DGLUCY: variants seen among roughly 807,000 people sequenced by gnomAD.
DGLUCY encodes D-glutamate cyclase, also known as D-glutamate cyclase, mitochondrial.
Under a neutral mutation model 58.5 loss-of-function variants are expected in DGLUCY, and 58 were observed. The ratio of observed to expected loss-of-function variants is 0.99; its 90% CI spans 0.80 to 1.23. DGLUCY has a LOEUF of 1.23. Among genes scored for constraint, DGLUCY ranks in the 50% most tolerant of loss-of-function variants. The pLI, the probability that DGLUCY is intolerant of heterozygous loss-of-function variation, is 0.00. For synonymous variants in DGLUCY, 325 were observed against 314.1 expected (o/e 1.03, Z -0.37); for missense variants, 779 against 784.7 (o/e 0.99, Z 0.09).
chr14:91,184,495 A>G (rs1418511284), intron 8 of DGLUCY, among the ~76,000 whole-genome samples: 1 of 147,414 alleles, frequency 6.8e-6, no homozygotes, highest in Non-Finnish European at 1.5e-5. Context: ...TTGAAGCTGC[A>G]GTGAGCCATG....
intron 1 of DGLUCY, among the ~76,000 whole-genome samples, chr14:91,147,447 A>G (rs1014081978): frequency 6.6e-6 from 1 of 152,148 alleles, no homozygotes; most frequent in Non-Finnish European, 1.5e-5. Flanking sequence ...AGCCTCAACT[A>G]TTTTTGGATG....
At chr14:91,135,122 C>T (rs1270506882) in intron 1 of DGLUCY, among the ~76,000 whole-genome samples, 2 of 152,002 alleles carry the variant, frequency 1.3e-5, no homozygotes, top group Admixed American at 1.3e-4. Flanking sequence ...CAGGGTTTCT[C>T]TATATTTTCT....
At chr14:91,130,607 A>G in intron 1 of DGLUCY, among the ~76,000 whole-genome samples, 1 of 151,934 alleles carries the variant, frequency 6.6e-6, no homozygotes, top group South Asian at 2.1e-4. Context: ...CACCTGGCCA[A>G]GAATCTTTTC....
intron 1 of DGLUCY, among the ~76,000 whole-genome samples, chr14:91,152,348 C>T (rs1566968998): frequency 6.6e-6 from 1 of 152,034 alleles, no homozygotes; most frequent in Non-Finnish European, 1.5e-5. Context: ...AGTGAGCCAT[C>T]ATTGCACTAC....
chr14:91,110,262 C>T (rs1171592394), upstream of DGLUCY, among the ~76,000 whole-genome samples: 1 of 152,160 alleles, frequency 6.6e-6, no homozygotes, highest in African/African-American at 2.4e-5. Context: ...ACATTCCTTG[C>T]ACCTCTGGCC....
intron 1 of DGLUCY, among the ~76,000 whole-genome samples, chr14:91,130,711 T>C (rs2045980347): frequency 6.6e-6 from 1 of 151,630 alleles, no homozygotes. Context: ...CTCAACCTCC[T>C]AGGCTCAAGC....
chr14:91,182,756 T>G (rs981502229), intron 8 of DGLUCY, among the ~76,000 whole-genome samples: 5 of 152,162 alleles, frequency 3.3e-5, no homozygotes, highest in Non-Finnish European at 5.9e-5. Flanking sequence ...AGCCACAGCC[T>G]CACAACAGTT....
chr14:91,098,822 A>G (rs778288084), intron 1 of DGLUCY, among the ~76,000 whole-genome samples: 1 of 152,256 alleles, frequency 6.6e-6, no homozygotes, highest in Non-Finnish European at 1.5e-5. Context: ...CACTCAGTAC[A>G]TATTTATGGA....
intron 1 of DGLUCY, among the ~76,000 whole-genome samples, chr14:91,144,198 C>T (rs576605926): frequency 5.5e-4 from 84 of 152,294 alleles, no homozygotes; most frequent in African/African-American, 1.8e-3. Context: ...GTCCCTGGGA[C>T]AGGGTGTTTC....
chr14:91,190,145 G>A (rs900592476), intron 9 of DGLUCY, among the ~76,000 whole-genome samples: 1 of 151,398 alleles, frequency 6.6e-6, no homozygotes, highest in African/African-American at 2.4e-5. Flanking sequence ...CCGCTACCAC[G>A]CCCGGCTAAT....
At chr14:91,200,415 G>T (rs932424809) in intron 11 of DGLUCY, among the ~76,000 whole-genome samples, 4 of 152,094 alleles carry the variant, frequency 2.6e-5, no homozygotes, top group Non-Finnish European at 4.4e-5. Context: ...GGGAGGGAAA[G>T]CATATTCTAT....
Position 91,108,714 on chromosome 14 carries a change from T to C in DGLUCY, c.-82+653T>C, listed in dbSNP as rs144565766. On this transcript the variant is annotated intron_variant, in intron 1 of 4. Transcript: ENST00000518871. Reference sequence around the variant, plus strand: ...CACCATGCCCGGCTAATTTTTGTATTTTCAGTAGAGATGAGGTTTCACCAT... The same window carrying C: ...CACCATGCCCGGCTAATTTTTGTATCTTCAGTAGAGATGAGGTTTCACCAT... Among the ~76,000 whole-genome samples the C allele has an allele frequency of 3.0e-3, 462 of 152,158 alleles. 2 individuals carry two copies. Among genetic ancestry groups the C allele is most frequent in the African/African-American group, 0.011 (445 of 41,482 alleles).
At chr14:91,170,666 C>T (rs992694380) in intron 5 of DGLUCY, among the ~76,000 whole-genome samples, 2 of 152,198 alleles carry the variant, frequency 1.3e-5, no homozygotes, top group Non-Finnish European at 2.9e-5. Context: ...GAGGTGGCCT[C>T]TGGCAGTCAC....
chr14:91,072,792 C>G (rs909090069), intron 1 of DGLUCY, among the ~76,000 whole-genome samples: 1 of 151,984 alleles, frequency 6.6e-6, no homozygotes, highest in South Asian at 2.1e-4. Context: ...GAGGCCGAGG[C>G]GGGCAGATCA....
upstream of DGLUCY, among the ~76,000 whole-genome samples, chr14:91,106,054 T>C (rs1203317776): frequency 6.6e-6 from 1 of 152,228 alleles, no homozygotes; most frequent in Non-Finnish European, 1.5e-5. Flanking sequence ...ATGCCTGTAA[T>C]CCCAGCACTT....
At chr14:91,220,254 G>C (rs868470291) in intron 13 of DGLUCY, among the ~76,000 whole-genome samples, 18 of 152,208 alleles carry the variant, frequency 1.2e-4, no homozygotes, top group African/African-American at 3.6e-4. Context: ...GCATTCCTCG[G>C]TCTCCTCGAG....
At chr14:91,190,334 C>T (rs538119305) in intron 9 of DGLUCY, among the ~76,000 whole-genome samples, 2 of 152,160 alleles carry the variant, frequency 1.3e-5, no homozygotes, top group African/African-American at 4.8e-5. Context: ...GACAACAGTC[C>T]TGCCCCCACG....
chr14:91,146,044 G>A (rs1359200570), intron 1 of DGLUCY, among the ~76,000 whole-genome samples: 1 of 151,886 alleles, frequency 6.6e-6, no homozygotes, highest in Non-Finnish European at 1.5e-5. Context: ...GCTAATTTTT[G>A]TATATTTTTG....
At chr14:91,180,910 C>G (rs769183540) in intron 7 of DGLUCY, among the ~76,000 whole-genome samples, 4 of 152,210 alleles carry the variant, frequency 2.6e-5, no homozygotes, top group African/African-American at 4.8e-5. Flanking sequence ...ATGGAATCGC[C>G]TAGAGCTCTA....
Sources: allele counts gnomAD v4.1 joint callset (sites outside exome capture counted in the v4.1 genomes callset), GRCh38; gene constraint gnomAD v4.1.1; transcripts MANE v1.5; gene names NCBI Gene and HGNC (gene_info 2026-07-23, HGNC 2026-07-21).